Variants in NEK10 observed in about 807,000 individuals in gnomAD.
NEK10 encodes the protein NIMA related kinase 10.
In NEK10, 122 loss-of-function variants were observed where a neutral mutation model predicts 159.8. That is an observed-to-expected ratio of 0.76 (90% CI 0.66 to 0.89). The LOEUF (loss-of-function observed/expected upper bound fraction) is 0.89. Among genes scored for constraint, NEK10 ranks in the 40% least tolerant of loss-of-function variants. The pLI is 0.00. For synonymous variants in NEK10, 466 were observed against 457.1 expected (o/e 1.02, Z -0.25); for missense variants, 1,342 against 1,323.1 (o/e 1.01, Z -0.22).
At chr3:27,163,300 G>C (rs1217672205) in intron 29 of NEK10, among the ~76,000 whole-genome samples, 1 of 151,872 alleles carries the variant, frequency 6.6e-6, no homozygotes, top group Non-Finnish European at 1.5e-5. Context: ...ACCCCACCAG[G>C]GATATCTGTA....
rs1473927375 is a variant in NEK10 at position 27,369,181 on chromosome 3, A to T, written c.-38+44T>A. 6.6e-6 allele frequency: 1 copy of T among 152,220 alleles called. No individual in the cohort carries two copies. Among genetic ancestry groups the T allele is most frequent in the Admixed American group, 6.5e-5 (1 of 15,288 alleles). 9.4% of individuals were successfully genotyped at this position (152,220 alleles called of 1,614,324 possible). A position where few individuals can be genotyped will look rare whatever the true frequency, so the allele number is the denominator to read the frequency against. ...ACGTCTCCCCGGAGACCCTGACTCA[A>T]GCTGCTCGCCGGCACAGCCGAGCAC... On this transcript the variant is annotated intron_variant, in intron 1 of 35. Coordinates refer to ENST00000691995, the MANE Select transcript of NEK10 (RefSeq NM_001394966.1). This position sits in a 1 kb window ranked among gnomAD's most constrained non-coding sequence, Gnocchi z 4.2.
intron 26 of NEK10, among the ~76,000 whole-genome samples, chr3:27,185,729 T>TAAC (rs1948555349): frequency 6.6e-6 from 1 of 152,220 alleles, no homozygotes; most frequent in Non-Finnish European, 1.5e-5. Flanking sequence ...CCCTGGCTGC[T>TAAC]AACAGTGATA....
At chr3:27,312,735 A>G (rs1175414581) in intron 7 of NEK10, among the ~76,000 whole-genome samples, 2 of 152,188 alleles carry the variant, frequency 1.3e-5, no homozygotes, top group Non-Finnish European at 2.9e-5. Flanking sequence ...TTCTAATATT[A>G]TAATGGAAGT....
At chr3:27,188,649 C>T (rs990115918) in intron 26 of NEK10, among the ~76,000 whole-genome samples, 1 of 152,196 alleles carries the variant, frequency 6.6e-6, no homozygotes, top group Non-Finnish European at 1.5e-5. Flanking sequence ...ATGCTTCTCT[C>T]ATTAATTCTC....
At chr3:27,214,901 G>A (rs1430556734) in intron 23 of NEK10, 7 of 1,139,208 alleles carry the variant, frequency 6.1e-6, no homozygotes, top group Non-Finnish European at 8.0e-6. Flanking sequence ...GAAGGCTAAT[G>A]GCCACATTCT....
intron 33 of NEK10, among the ~76,000 whole-genome samples, chr3:27,116,840 A>T (rs1014316982): frequency 6.6e-6 from 1 of 151,682 alleles, no homozygotes; most frequent in African/African-American, 2.4e-5. Context: ...AAGTTCCAGG[A>T]TACATGAGCA....
chr3:27,162,783 G>T (rs1399460041), intron 29 of NEK10, 45 bp from the exon 30 acceptor site: 1 of 1,612,750 alleles, frequency 6.2e-7, no homozygotes, highest in East Asian at 2.2e-5. Context: ...GTTCAACTTG[G>T]ATTTGACAAA....
chr3:27,291,576 T>C lies in NEK10; in HGVS notation c.1384A>G (p.Thr462Ala). Residue 462 changes from threonine (T) to alanine (A), a missense_variant, in exon 17 of 36, where the codon ACA becomes GCA. Physicochemically the swap from Thr to Ala is moderately conservative, Grantham distance 58 (BLOSUM62 0). Transcript: ENST00000691995. ...NRPLFKRLFP[T>A]DLFEIFIDIG... ...TCAATGAAGATCTCAAACAAGTCTG[T>C]GGGGAAAAGTCTACAGAGAATATTA... 9 of 1,584,578 alleles carry C rather than the reference T, an allele frequency of 5.7e-6. No homozygotes were observed. Among genetic ancestry groups the C allele is most frequent in the Non-Finnish European group, 7.8e-6 (9 of 1,153,186 alleles).
At chr3:27,350,260 C>A (rs2047876239) in intron 3 of NEK10, among the ~76,000 whole-genome samples, 1 of 152,130 alleles carries the variant, frequency 6.6e-6, no homozygotes, top group Non-Finnish European at 1.5e-5. Context: ...CCCAACTCTA[C>A]TTTGCTCCCA....
chr3:27,301,631 CTA>C, intron 13 of NEK10, 63 bp downstream of exon 13: 1 of 1,286,836 alleles, frequency 7.8e-7, no homozygotes, highest in Admixed American at 2.0e-5. Context: ...CTACACTAAT[CTA>C]TGATAGTGAA....
intron 23 of NEK10, among the ~76,000 whole-genome samples, chr3:27,216,166 G>A (rs1951507239): frequency 6.6e-6 from 1 of 152,152 alleles, no homozygotes; most frequent in Non-Finnish European, 1.5e-5. Context: ...CCAGCTTTGT[G>A]AATGGGGTCA....
chr3:27,367,211 G>C (rs1280309395), intron 1 of NEK10, among the ~76,000 whole-genome samples: 1 of 152,186 alleles, frequency 6.6e-6, no homozygotes, highest in Non-Finnish European at 1.5e-5. Context: ...CTATGAGCTA[G>C]GTGCTATTAT....
chr3:27,178,090 G>A (rs1398432156), intron 26 of NEK10, among the ~76,000 whole-genome samples: 1 of 152,136 alleles, frequency 6.6e-6, no homozygotes, highest in African/African-American at 2.4e-5. Context: ...AATTATCACT[G>A]ATATGGAAAT....
At chr3:27,301,865 T>C (rs1434632948) in intron 12 of NEK10, 30 bp from the exon 13 acceptor site, 1 of 1,527,822 alleles carries the variant, frequency 6.5e-7, no homozygotes, top group Non-Finnish European at 8.9e-7. Context: ...GCATAGACCA[T>C]TTATCAATTT....
chr3:27,283,922 C>T (rs907679218), intron 22 of NEK10, among the ~76,000 whole-genome samples: 1 of 152,074 alleles, frequency 6.6e-6, no homozygotes, highest in Non-Finnish European at 1.5e-5. Flanking sequence ...AGGCAGTGTT[C>T]TACAGTAAGA....
intron 1 of NEK10, among the ~76,000 whole-genome samples, chr3:27,358,936 G>T (rs1457193669): frequency 6.6e-6 from 1 of 152,158 alleles, no homozygotes; most frequent in Non-Finnish European, 1.5e-5. Flanking sequence ...AGGGAGTGGT[G>T]GCTTATGCCT....
intron 3 of NEK10, among the ~76,000 whole-genome samples, chr3:27,351,631 G>C (rs545015493): frequency 6.6e-6 from 1 of 152,180 alleles, no homozygotes; most frequent in Non-Finnish European, 1.5e-5. Flanking sequence ...AGATAAAAAT[G>C]CTATAGTTCT....
chr3:27,143,351 T>C (rs571763797), intron 30 of NEK10: 11 of 597,310 alleles, frequency 1.8e-5, no homozygotes, highest in Admixed American at 1.8e-4. Flanking sequence ...TATAGATTCA[T>C]AGATTTTAAT....
At chr3:27,367,421 T>C (rs2049176782) in intron 1 of NEK10, 1 of 152,244 alleles carries the variant, frequency 6.6e-6, no homozygotes, top group South Asian at 2.1e-4. Context: ...ATAATGATTA[T>C]GGCTTGAACT....
Sources: allele counts gnomAD v4.1 joint callset (sites outside exome capture counted in the v4.1 genomes callset), GRCh38; gene constraint gnomAD v4.1.1; non-coding constraint Gnocchi (gnomAD v3.1); transcripts MANE v1.5; gene names NCBI Gene and HGNC (gene_info 2026-07-23, HGNC 2026-07-21).